LBR: variants seen among roughly 807,000 people sequenced by gnomAD.
LBR encodes delta(14)-sterol reductase LBR.
In LBR, 28 loss-of-function variants were observed where a neutral mutation model predicts 74.3. The observed-to-expected ratio is 0.38, with a 90% CI of 0.28 to 0.52. The LOEUF is 0.52. Among genes scored for constraint, LBR ranks in the 20% least tolerant of loss-of-function variants. The pLI, the probability that LBR is intolerant of heterozygous loss-of-function variation, is 0.89. For missense variants in LBR, 717 were observed against 760.3 expected, an observed-to-expected ratio of 0.94 and a Z score of 0.67; for synonymous variants, 228 against 269.3, an observed-to-expected ratio of 0.85 and a Z score of 1.50.
intron 10 of LBR, among the ~76,000 whole-genome samples, chr1:225,408,046 A>G (rs74664817): frequency 0.038 from 5,794 of 152,280 alleles, 148 homozygotes; most frequent in Middle Eastern, 0.062. Flanking sequence ...GGAATATTCA[A>G]TATCCTTCTA....
Position 225,412,655 on chromosome 1 carries a change from A to AT in LBR, c.893-11_893-10insA. 1 of 1,602,976 alleles carries AT rather than the reference A, an allele frequency of 6.2e-7. No homozygotes were observed. Among genetic ancestry groups the AT allele is most frequent in the South Asian group, 1.1e-5 (1 of 88,436 alleles). On this transcript the variant is annotated splice_polypyrimidine_tract_variant and intron_variant, in intron 7 of 13. Transcript: ENST00000272163. ...ATAAAAGCATAGAATCCTTTAAAAA[A>AT]AAAAAAAAAAGGAAGTGGAAAATTA...
chr1:225,416,235 G>A (rs1474136293), intron 6 of LBR, among the ~76,000 whole-genome samples: 1 of 151,186 alleles, frequency 6.6e-6, no homozygotes, highest in African/African-American at 2.4e-5. Flanking sequence ...GAGAGAGACT[G>A]TGAGCACGCA....
rs2096092258 is a variant in LBR at position 225,406,645 on chromosome 1, G to C, written c.1483+19C>G. ...CATAATATTTAATAAATTAAACTGA[G>C]ACTAAAATTAATACTCACGTTTCAG... On this transcript the variant is annotated intron_variant, in intron 11 of 13. Coordinates refer to ENST00000272163, the MANE Select transcript of LBR (RefSeq NM_002296.4). 6.3e-7 allele frequency: 1 copy of C among 1,599,702 alleles called. No individual in the cohort carries two copies. Among genetic ancestry groups the C allele is most frequent in the Non-Finnish European group, 8.5e-7 (1 of 1,170,474 alleles).
In LBR at chr1:225,422,189, C is replaced by T. The variant is rs758063579; in HGVS notation, c.254G>A (p.Arg85Gln). 1.4e-5 allele frequency: 23 copies of T among 1,613,756 alleles called. 1 individual carries two copies. Among genetic ancestry groups the T allele is most frequent in the Admixed American group, 5.0e-5 (3 of 59,992 alleles). ...ACTTTTAGGTGGTCGACCAGGGGAT[C>T]GGGAGCGTGACCTTGATCGACTCCC... ...RRGSRSRSRS[R>Q]SPGRPPKSAR... The change falls in exon 3 of 14, where the codon CGA becomes CAA. Residue 85 changes from arginine (R) to glutamine (Q), a missense_variant. Arg to Gln is a conservative substitution (Grantham distance 43, BLOSUM62 1). Coordinates refer to ENST00000272163, the MANE Select transcript of LBR (RefSeq NM_002296.4).
intron 10 of LBR, among the ~76,000 whole-genome samples, chr1:225,407,899 TA>T (rs879515882): frequency 0.01 from 1,531 of 148,474 alleles, 21 homozygotes; most frequent in African/African-American, 0.033. Context: ...TTATTCTCTT[TA>T]AAAAAAAAAA....
chr1:225,403,007 C>T lies in LBR; in HGVS notation c.*296G>A, dbSNP rs2096084207. 1 of 354,152 alleles carries T rather than the reference C, an allele frequency of 2.8e-6. No homozygotes were observed. The highest frequency in any genetic ancestry group is 4.4e-5 in the Admixed American group (1 of 22,854). 21.9% of individuals were successfully genotyped at this position (354,152 alleles called of 1,614,324 possible). A position where few individuals can be genotyped will look rare whatever the true frequency, so the allele number is the denominator to read the frequency against. On this transcript the variant is annotated 3_prime_UTR_variant, in exon 14 of 14. Coordinates refer to ENST00000272163, the MANE Select transcript of LBR (RefSeq NM_002296.4). ...CCATAAACATCAATAGCATTCTTCA[C>T]AGTACATTTATATTAAGACTGTCTT...
intron 11 of LBR, among the ~76,000 whole-genome samples, chr1:225,406,282 A>G (rs746528643): frequency 3.3e-5 from 5 of 152,202 alleles, no homozygotes; most frequent in Non-Finnish European, 7.3e-5. Flanking sequence ...GCAAGGCAGG[A>G]ATGTCTTATT....
intron 7 of LBR, chr1:225,414,076 G>A (rs1365489285): frequency 6.6e-6 from 3 of 456,630 alleles, no homozygotes; most frequent in African/African-American, 4.0e-5. Context: ...CCACCAGAGG[G>A]AGGGAGGGTG....
chr1:225,412,664 A>C lies in LBR; in HGVS notation c.893-19T>G. The C allele has an allele frequency of 6.3e-7, 1 of 1,589,588 alleles. No homozygotes were observed. Among genetic ancestry groups the C allele is most frequent in the Non-Finnish European group, 8.6e-7 (1 of 1,165,346 alleles). ...TAGAATCCTTTAAAAAAAAAAAAAA[A>C]AGGAAGTGGAAAATTAATATTAACC... On this transcript the variant is annotated intron_variant, in intron 7 of 13. Transcript: ENST00000272163.
rs762971908 is a variant in LBR at position 225,403,411 on chromosome 1, A to G, written c.1740T>C (p.Leu580=). The change falls in exon 14 of 14, where the codon CTT becomes CTC. Residue 580 remains leucine (L), a synonymous_variant. Coordinates refer to ENST00000272163, the MANE Select transcript of LBR (RefSeq NM_002296.4). ...YFYIIYFTML[L]VHREARDEYH... is the part of the protein sequence containing the mutation. The stretch of plus-strand genomic sequence containing the variant: ...ACTCGTCACGAGCTTCTCGGTGGAC[A>G]AGCAACATGGTGAAATAAATTATGT... The G allele has an allele frequency of 6.2e-7, 1 of 1,612,436 alleles. No homozygotes were observed. The highest frequency in any genetic ancestry group is 8.5e-7 in the Non-Finnish European group (1 of 1,179,148).
At chr1:225,422,468 T>C (rs942967413) in intron 2 of LBR, 191 bp from the exon 3 acceptor site, 1 of 616,768 alleles carries the variant, frequency 1.6e-6, no homozygotes, top group Non-Finnish European at 2.9e-6. Flanking sequence ...CCATCTTTCA[T>C]GAGACAAATG....
chr1:225,418,903 TCTGA>T (rs956389767), intron 5 of LBR, among the ~76,000 whole-genome samples: 1 of 152,222 alleles, frequency 6.6e-6, no homozygotes, highest in Non-Finnish European at 1.5e-5. Context: ...CCGCCTCAGG[TCTGA>T]CTATTAGCAG....
chr1:225,416,915 G>GC (rs1383687407), intron 6 of LBR, among the ~76,000 whole-genome samples: 1 of 152,164 alleles, frequency 6.6e-6, no homozygotes, highest in African/African-American at 2.4e-5. Flanking sequence ...AGGGCCTTCA[G>GC]CATCCTCAGA....
chr1:225,404,451 T>C lies in LBR; in HGVS notation c.1640A>G (p.Asn547Ser), dbSNP rs374343844. The change falls in exon 13 of 14, where the codon AAT (asparagine) becomes AGT (serine). Residue 547 changes from asparagine (N) to serine (S), a missense_variant. Physicochemically the swap from Asn to Ser is conservative, Grantham distance 46 (BLOSUM62 1). Transcript: ENST00000272163. The part of the protein sequence containing the change: ...SGWWGFVRHP[N>S]YLGDLIMALA... ...GGCCATGATGAGATCACCCAAGTAATTGGGGTGGCGAACAAAGCCCCACCA... is the reference window on the plus strand; with the variant it reads ...GGCCATGATGAGATCACCCAAGTAACTGGGGTGGCGAACAAAGCCCCACCA... 3.8e-5 allele frequency: 61 copies of C among 1,614,032 alleles called. No individual in the cohort carries two copies. The Middle Eastern group carries it at 4.9e-4, about 13-fold the overall frequency.
At chr1:225,410,768 A>G (rs1196012966) in intron 9 of LBR, among the ~76,000 whole-genome samples, 1 of 152,260 alleles carries the variant, frequency 6.6e-6, no homozygotes, top group African/African-American at 2.4e-5. Context: ...AGACTAGAGA[A>G]GACTAAGAAG....
chr1:225,423,449 A>G (rs1293036219), intron 2 of LBR, among the ~76,000 whole-genome samples: 1 of 140,052 alleles, frequency 7.1e-6, no homozygotes. Flanking sequence ...CTCCCCTACC[A>G]CCCCCTTCCA....
At chr1:225,411,303 A>G (rs2096104849) in intron 9 of LBR, 34 bp downstream of exon 9, 1 of 1,440,340 alleles carries the variant, frequency 6.9e-7, no homozygotes, top group Non-Finnish European at 9.8e-7. Context: ...AGACCTATTG[A>G]ATTGAAATTT....
At position 225,406,657 on chromosome 1, in the gene LBR, T is replaced by G. The variant is rs367696832; in HGVS notation, c.1483+7A>C. On this transcript the variant is annotated splice_region_variant and intron_variant, in intron 11 of 13. Coordinates refer to ENST00000272163, the MANE Select transcript of LBR (RefSeq NM_002296.4). The stretch of plus-strand genomic sequence containing the variant: ...TAAATTAAACTGAGACTAAAATTAA[T>G]ACTCACGTTTCAGAACAATAATTAG... The G allele has an allele frequency of 1.2e-6, 2 of 1,606,770 alleles. No individual in the cohort carries two copies. Among genetic ancestry groups the G allele is most frequent in the Non-Finnish European group, 1.7e-6 (2 of 1,176,082 alleles).
At chr1:225,425,076 T>G (rs934006349) in intron 1 of LBR, among the ~76,000 whole-genome samples, 1 of 152,218 alleles carries the variant, frequency 6.6e-6, no homozygotes, top group Non-Finnish European at 1.5e-5. Context: ...CACTTCTTGA[T>G]GTATTGTCCA....
Sources: allele counts gnomAD v4.1 joint callset (sites outside exome capture counted in the v4.1 genomes callset), GRCh38; gene constraint gnomAD v4.1.1; transcripts MANE v1.5; gene names NCBI Gene and HGNC (gene_info 2026-07-23, HGNC 2026-07-21).